CD4: variants seen among roughly 807,000 people sequenced by gnomAD.
CD4 encodes the protein CD4 molecule, also known as T-cell surface glycoprotein CD4.
A neutral mutation model predicts 50.5 loss-of-function variants in CD4; 25 were observed. The ratio of observed to expected loss-of-function variants is 0.49; its 90% confidence interval spans 0.36 to 0.69. The LOEUF (loss-of-function observed/expected upper bound fraction) is 0.69. Ranked by LOEUF, CD4 falls within the 30% of genes least tolerant of loss-of-function variation. The pLI, the probability that CD4 is intolerant of heterozygous loss-of-function variation, is 0.00. For synonymous variants in CD4, 207 were observed against 221.9 expected, an observed-to-expected ratio of 0.93 and a Z score of 0.60; for missense variants, 456 against 548.5, an observed-to-expected ratio of 0.83 and a Z score of 1.68.
intron 1 of CD4, among the ~76,000 whole-genome samples, chr12:6,791,613 G>A (rs777731968): frequency 1.3e-5 from 2 of 152,300 alleles, no homozygotes; most frequent in Admixed American, 6.5e-5. Context: ...GGGCGTGGTG[G>A]CCCACACCAG....
chr12:6,789,573 C>T lies in CD4; in HGVS notation c.-157C>T, dbSNP rs1942086943. 1 of 152,276 alleles carries T rather than the reference C, an allele frequency of 6.6e-6. No individual in the cohort carries two copies. The highest frequency in any genetic ancestry group is 2.1e-4 in the South Asian group (1 of 4,838). 9.4% of individuals were successfully genotyped at this position (152,276 alleles called of 1,614,324 possible). On this transcript the variant is annotated 5_prime_UTR_variant, in exon 1 of 10. Coordinates refer to ENST00000011653, the MANE Select transcript of CD4 (RefSeq NM_000616.5). ...CTCTGCAGAAGGAACAAAGCACCCT[C>T]CCCACTGGGCTCCTGGTTGCAGAGC...
chr12:6,817,065 G>A, intron 6 of CD4, 65 bp from the exon 7 acceptor site: 3 of 1,387,576 alleles, frequency 2.2e-6, no homozygotes, highest in Non-Finnish European at 3.1e-6. Flanking sequence ...CACCCATATA[G>A]AGTATCATTT....
At chr12:6,789,703 G>A (rs577010634) in intron 1 of CD4, 41 bp downstream of exon 1, 2 of 152,384 alleles carry the variant, frequency 1.3e-5, no homozygotes, top group East Asian at 1.9e-4. Context: ...GGAGCTGAGA[G>A]GGAGGGGAAC....
Position 6,800,481 on chromosome 12 carries a change from C to A in CD4, c.214+10C>A. 1 of 1,608,396 alleles carries A rather than the reference C, an allele frequency of 6.2e-7. No individual in the cohort carries two copies. Among genetic ancestry groups the A allele is most frequent in the Non-Finnish European group, 8.5e-7 (1 of 1,177,650 alleles). ...TCCTTCTTAACTAAAGGTAGGGTTG[C>A]CTGGCTCCCCATCCAGGGAGGAAAA... is the stretch of plus-strand genomic sequence containing the variant. On this transcript the variant is annotated intron_variant, in intron 3 of 9. Transcript: ENST00000011653.
At position 6,819,338 on chromosome 12, in the gene CD4, GC is replaced by G. The variant is rs782315420; in HGVS notation, c.*11del. The G allele has an allele frequency of 6.2e-7, 1 of 1,613,980 alleles. No individual in the cohort carries two copies. Among genetic ancestry groups the G allele is most frequent in the Admixed American group, 1.7e-5 (1 of 60,018 alleles). On this transcript the variant is annotated 3_prime_UTR_variant, in exon 10 of 10. Coordinates refer to ENST00000011653, the MANE Select transcript of CD4 (RefSeq NM_000616.5). ...CATGTAGCCCCATTTGAGGCACGAG[GC>G]CAGGCAGATCCCACTTGCAGCCTCC...
intron 3 of CD4, among the ~76,000 whole-genome samples, chr12:6,812,771 TTGTGTGTG>T (rs782347075): frequency 1.7e-5 from 1 of 57,560 alleles, no homozygotes; most frequent in Non-Finnish European, 4.4e-5. Flanking sequence ...AAGGTTATTT[TTGTGTGTG>T]TGTGTGTGTG....
rs765989434 is a variant in CD4, at chr12:6,792,248, T to C, written c.-68+2586T>C. On this transcript the variant is annotated intron_variant, in intron 1 of 9. Transcript: ENST00000011653. This position sits in a 1 kb window ranked among gnomAD's most constrained non-coding sequence, Gnocchi z 4.1. Reference sequence around the variant, plus strand: ...TCGCTGTGGTGGAGCTGGGCCCTCTTACCCTCCCAAGCCTCGCCCCTCATC... The same window carrying C: ...TCGCTGTGGTGGAGCTGGGCCCTCTCACCCTCCCAAGCCTCGCCCCTCATC... Among the ~76,000 whole-genome samples, 11 of 151,960 alleles carry C rather than the reference T, an allele frequency of 7.2e-5. No homozygotes were observed. The highest frequency in any genetic ancestry group is 4.2e-4 in the South Asian group (2 of 4,816).
chr12:6,817,681 C>G (rs895335057), intron 7 of CD4, among the ~76,000 whole-genome samples: 1 of 151,944 alleles, frequency 6.6e-6, no homozygotes. Context: ...CACATACACT[C>G]TCACACACAT....
intron 1 of CD4, among the ~76,000 whole-genome samples, chr12:6,790,287 A>G (rs1942118460): frequency 6.6e-6 from 1 of 152,322 alleles, no homozygotes; most frequent in South Asian, 2.1e-4. Flanking sequence ...GATCTATGTA[A>G]TAGTCTCTTT....
At chr12:6,804,467 A>C (rs1169336650) in intron 3 of CD4, among the ~76,000 whole-genome samples, 1 of 152,264 alleles carries the variant, frequency 6.6e-6, no homozygotes, top group Non-Finnish European at 1.5e-5. Flanking sequence ...GAATTAATAA[A>C]TGAATTCATC....
chr12:6,811,957 G>A (rs1361439708), intron 3 of CD4, among the ~76,000 whole-genome samples: 1 of 152,126 alleles, frequency 6.6e-6, no homozygotes, highest in African/African-American at 2.4e-5. Context: ...TTACAGGCAT[G>A]TGCCACCACA....
intron 7 of CD4, among the ~76,000 whole-genome samples, chr12:6,817,684 A>T (rs1555118176): frequency 6.6e-6 from 1 of 151,736 alleles, no homozygotes; most frequent in East Asian, 1.9e-4. Context: ...ATACACTCTC[A>T]CACACATGCA....
intron 3 of CD4, among the ~76,000 whole-genome samples, chr12:6,801,318 A>G (rs1171499039): frequency 1.3e-5 from 2 of 149,210 alleles, no homozygotes; most frequent in African/African-American, 4.9e-5. Context: ...GGAGTTCAAG[A>G]CCAGTCTGGC....
chr12:6,792,846 T>C lies in CD4; in HGVS notation c.-68+3184T>C, dbSNP rs1942204850. Among the ~76,000 whole-genome samples the C allele has an allele frequency of 6.6e-6, 1 of 151,936 alleles. No homozygotes were observed. Among genetic ancestry groups the C allele is most frequent in the Non-Finnish European group, 1.5e-5 (1 of 67,988 alleles). Reference sequence around the variant, plus strand: ...AGAGCCAGCACGGCCGCCTGGTATATGAGGCAAAGAGGAAGACAGACACAG... The same window carrying C: ...AGAGCCAGCACGGCCGCCTGGTATACGAGGCAAAGAGGAAGACAGACACAG... On this transcript the variant is annotated intron_variant, in intron 1 of 9. Coordinates refer to ENST00000011653, the MANE Select transcript of CD4 (RefSeq NM_000616.5). This position sits in a 1 kb window ranked among gnomAD's most constrained non-coding sequence, Gnocchi z 4.1.
intron 1 of CD4, among the ~76,000 whole-genome samples, chr12:6,798,075 G>T (rs1358008586): frequency 1.3e-5 from 2 of 152,136 alleles, no homozygotes; most frequent in East Asian, 3.9e-4. Flanking sequence ...CTCGGGCAGG[G>T]GTTCCTGCGG....
intron 5 of CD4, 170 bp from the exon 6 acceptor site, chr12:6,815,886 G>GA (rs1943070439): frequency 6.6e-7 from 1 of 1,523,178 alleles, no homozygotes; most frequent in Admixed American, 2.0e-5. Context: ...TGGAAGAAGG[G>GA]AGAGAAGGCT....
intron 1 of CD4, among the ~76,000 whole-genome samples, chr12:6,790,303 A>G (rs753302055): frequency 7.2e-5 from 11 of 152,138 alleles, no homozygotes; most frequent in Non-Finnish European, 1.0e-4. Context: ...TCTTTTAACT[A>G]CCTTTTGTGT....
At position 6,816,426 on chromosome 12, in the gene CD4, G is replaced by T; in HGVS notation, c.955+23G>T. The T allele has an allele frequency of 3.8e-6, 6 of 1,570,920 alleles. No homozygotes were observed. Among genetic ancestry groups the T allele is most frequent in the Non-Finnish European group, 4.3e-6 (5 of 1,151,988 alleles). On this transcript the variant is annotated intron_variant, in intron 6 of 9. Transcript: ENST00000011653. The surrounding 1 kb of genome is among the most constrained non-coding windows in gnomAD (Gnocchi z 4.9). ...GAGGTGAGGGGCCAGGCCAGGGAGGGGTGGGCAGGGGAAGGAGTTGGAGGG... is the reference window on the plus strand; with the variant it reads ...GAGGTGAGGGGCCAGGCCAGGGAGGTGTGGGCAGGGGAAGGAGTTGGAGGG...
chr12:6,789,883 A>G (rs1016174133), intron 1 of CD4, among the ~76,000 whole-genome samples: 3 of 152,236 alleles, frequency 2.0e-5, no homozygotes, highest in East Asian at 1.9e-4. Context: ...CCCAGCGTGC[A>G]CAGCTCAGTG....
Sources: allele counts gnomAD v4.1 joint callset (sites outside exome capture counted in the v4.1 genomes callset), GRCh38; gene constraint gnomAD v4.1.1; non-coding constraint Gnocchi (gnomAD v3.1); transcripts MANE v1.5; gene names NCBI Gene and HGNC (gene_info 2026-07-23, HGNC 2026-07-21).